Variants in FAM200B observed in about 807,000 individuals in gnomAD.
The protein encoded by FAM200B is protein FAM200B.
In FAM200B, 32 loss-of-function variants were observed where a neutral mutation model predicts 33.1. The ratio of observed to expected loss-of-function variants is 0.97; its 90% CI spans 0.73 to 1.30. FAM200B has a LOEUF of 1.30. Ranked by LOEUF, FAM200B falls within the 50% of genes most tolerant of loss-of-function variation. The pLI, the probability that FAM200B is intolerant of heterozygous loss-of-function variation, is 0.00. For synonymous variants in FAM200B, 240 were observed against 264.8 expected (o/e 0.91, Z 0.91); for missense variants, 741 against 754.0 (o/e 0.98, Z 0.20).
chr4:15,659,676 T>C, the FAM200B span: 1 of 959,212 alleles, frequency 1.0e-6, no homozygotes, highest in African/African-American at 1.8e-5. Flanking sequence ...TGCAAAATTT[T>C]CAGACAGAGA....
At chr4:15,638,723 A>C in the FAM200B span, 1 of 1,414,544 alleles carries the variant, frequency 7.1e-7, no homozygotes, top group Non-Finnish European at 9.8e-7. Context: ...TCACGAGGAA[A>C]GATGCTTCAT....
intron 1 of FAM200B, among the ~76,000 whole-genome samples, chr4:15,682,821 A>G (rs1718451701): frequency 1.3e-5 from 2 of 152,242 alleles, no homozygotes; most frequent in African/African-American, 4.8e-5. Context: ...AAGGAATACT[A>G]GCCAAAAGCA....
chr4:15,638,070 A>G, the FAM200B span, among the ~76,000 whole-genome samples: 1 of 152,170 alleles, frequency 6.6e-6, no homozygotes, highest in African/African-American at 2.4e-5. Flanking sequence ...AAACATAACT[A>G]ATTTTGAAAA....
At chr4:15,677,687 T>C (rs1225191190), upstream of FAM200B, among the ~76,000 whole-genome samples, 1 of 152,240 alleles carries the variant, frequency 6.6e-6, no homozygotes, top group Non-Finnish European at 1.5e-5. Context: ...CTGTCCTCCA[T>C]ACCTTCCCCT....
Position 15,687,592 on chromosome 4 carries a change from T to C in FAM200B, c.615T>C (p.Cys205=). The change falls in exon 2 of 2, where the codon TGT becomes TGC. Residue 205 remains cysteine (C), a synonymous_variant. Transcript: ENST00000422728. ...PNDNTVSLRI[C]TIAEHLETML... ...ATAACACAGTATCTCTTCGAATTTG[T>C]ACTATTGCAGAACATTTAGAAACAA... 1.3e-6 allele frequency: 2 copies of C among 1,550,908 alleles called. No individual in the cohort carries two copies. The highest frequency in any genetic ancestry group is 2.4e-5 in the East Asian group (1 of 40,868).
At chr4:15,639,122 C>T in the FAM200B span, among the ~76,000 whole-genome samples, 1 of 152,216 alleles carries the variant, frequency 6.6e-6, no homozygotes, top group East Asian at 1.9e-4. Context: ...CGATATTGCG[C>T]CATTGCACTC....
chr4:15,652,644 A>C, the FAM200B span, among the ~76,000 whole-genome samples: 2 of 152,192 alleles, frequency 1.3e-5, no homozygotes, highest in African/African-American at 4.8e-5. Flanking sequence ...GTAGACTAAC[A>C]TAACTTTGGA....
chr4:15,638,568 T>C, the FAM200B span: 1 of 1,608,500 alleles, frequency 6.2e-7, no homozygotes, highest in East Asian at 2.2e-5. Context: ...TCAGCATGAT[T>C]CCATAGGCTA....
the FAM200B span, among the ~76,000 whole-genome samples, chr4:15,654,382 C>CA: frequency 6.6e-6 from 1 of 152,170 alleles, no homozygotes. Context: ...GGGCCCTGAA[C>CA]CATCTCCACA....
chr4:15,649,675 T>G, the FAM200B span, among the ~76,000 whole-genome samples: 2 of 152,058 alleles, frequency 1.3e-5, no homozygotes, highest in Non-Finnish European at 2.9e-5. Context: ...TTTTTAAAAT[T>G]GTTTGCCTTC....
upstream of FAM200B, among the ~76,000 whole-genome samples, chr4:15,679,121 G>A (rs1198431711): frequency 5.4e-5 from 8 of 149,068 alleles, no homozygotes; most frequent in African/African-American, 1.5e-4. Flanking sequence ...GGAGTGCAGC[G>A]GCGTGATCTC....
chr4:15,669,585 A>C, the FAM200B span, among the ~76,000 whole-genome samples: 7 of 152,322 alleles, frequency 4.6e-5, no homozygotes, highest in Non-Finnish European at 7.4e-5. Flanking sequence ...AAGTAGAAAG[A>C]ATGATAATAA....
At chr4:15,685,043 G>C (rs1718700666) in intron 1 of FAM200B, 1 of 152,098 alleles carries the variant, frequency 6.6e-6, no homozygotes, top group Non-Finnish European at 1.5e-5. Context: ...AAGAAGTCAT[G>C]GTCTGCAAAA....
At chr4:15,677,660 T>A (rs1718044809), upstream of FAM200B, among the ~76,000 whole-genome samples, 1 of 152,194 alleles carries the variant, frequency 6.6e-6, no homozygotes, top group Admixed American at 6.5e-5. Flanking sequence ...AGAGAGGGCA[T>A]GAAAGTTTTG....
chr4:15,657,522 C>T, the FAM200B span, among the ~76,000 whole-genome samples: 1 of 152,198 alleles, frequency 6.6e-6, no homozygotes, highest in South Asian at 2.1e-4. Flanking sequence ...AAAGTCCATC[C>T]ACACAGTTTC....
chr4:15,648,667 A>G, the FAM200B span, among the ~76,000 whole-genome samples: 5 of 152,224 alleles, frequency 3.3e-5, no homozygotes, highest in Non-Finnish European at 7.3e-5. Context: ...CTAAAGTAGA[A>G]CTCACAGAAG....
the FAM200B span, among the ~76,000 whole-genome samples, chr4:15,670,831 G>T: frequency 6.6e-6 from 1 of 150,816 alleles, no homozygotes. Flanking sequence ...CTGGTACAAC[G>T]GATCTACTGA....
At chr4:15,650,775 G>A in the FAM200B span, among the ~76,000 whole-genome samples, 1 of 149,172 alleles carries the variant, frequency 6.7e-6, no homozygotes, top group Admixed American at 6.8e-5. Flanking sequence ...TGGGATTACA[G>A]GACCCCGCCA....
the FAM200B span, among the ~76,000 whole-genome samples, chr4:15,651,305 G>GA: frequency 2.0e-4 from 31 of 151,932 alleles, no homozygotes; most frequent in Middle Eastern, 6.8e-3. Context: ...TTCCGAAGGG[G>GA]AAAAAAAATC....
Sources: allele counts gnomAD v4.1 joint callset (sites outside exome capture counted in the v4.1 genomes callset), GRCh38; gene constraint gnomAD v4.1.1; transcripts MANE v1.5; gene names NCBI Gene and HGNC (gene_info 2026-07-23, HGNC 2026-07-21).